INTS8: variants seen among roughly 807,000 people sequenced by gnomAD.
The protein encoded by INTS8 is protein kaonashi-1.
In INTS8, 47 loss-of-function variants were observed where a neutral mutation model predicts 138.9. The ratio of observed to expected loss-of-function variants is 0.34; its 90% CI spans 0.27 to 0.43. The LOEUF (loss-of-function observed/expected upper bound fraction) is 0.43. INTS8 is among the 20% of genes least tolerant of loss of function. The pLI, the probability that INTS8 is intolerant of heterozygous loss-of-function variation, is 1.00. For missense variants in INTS8, 996 were observed against 1,173.0 expected, an observed-to-expected ratio of 0.85 and a Z score of 2.20; for synonymous variants, 392 against 400.9, an observed-to-expected ratio of 0.98 and a Z score of 0.27.
intron 2 of INTS8, among the ~76,000 whole-genome samples, chr8:94,825,275 C>A (rs1814448314): frequency 6.6e-6 from 1 of 151,968 alleles, no homozygotes; most frequent in Non-Finnish European, 1.5e-5. Flanking sequence ...CATGGTGAAA[C>A]CTCGTCTCTA....
chr8:94,872,224 A>G (rs1301610698), intron 21 of INTS8, among the ~76,000 whole-genome samples: 1 of 151,876 alleles, frequency 6.6e-6, no homozygotes, highest in Non-Finnish European at 1.5e-5. Context: ...CTTTTTCAAA[A>G]AAACAGTGAA....
Position 94,836,516 on chromosome 8 carries a change from T to C in INTS8, c.754-8T>C. 6.2e-7 allele frequency: 1 copy of C among 1,607,792 alleles called. No individual in the cohort carries two copies. Among genetic ancestry groups the C allele is most frequent in the Non-Finnish European group, 8.5e-7 (1 of 1,175,176 alleles). On this transcript the variant is annotated splice_region_variant and splice_polypyrimidine_tract_variant and intron_variant, in intron 6 of 26. Transcript: ENST00000523731. ...TGTTAAGCAAATTGGTGTTCATTAT[T>C]ATTTCAGGTGTGCTATGATTTGGGC...
rs554329758 is a variant in INTS8 at position 94,868,154 on chromosome 8, T to A, written c.2414+817T>A. Among the ~76,000 whole-genome samples, 7 of 152,260 alleles carry A rather than the reference T, an allele frequency of 4.6e-5. No homozygotes were observed. In the South Asian group the frequency reaches 1.5e-3, roughly 32 times the overall value. On this transcript the variant is annotated intron_variant, in intron 20 of 26. Coordinates refer to ENST00000523731, the MANE Select transcript of INTS8 (RefSeq NM_017864.4). The stretch of plus-strand genomic sequence containing the variant: ...GAATCACAGTAAGATGATGGGGACT[T>A]TTTTTAGGGGAGGAAAAAGGGTTCA...
chr8:94,827,204 A>G (rs1161423233), intron 2 of INTS8, 59 bp from the exon 3 acceptor site: 9 of 1,444,080 alleles, frequency 6.2e-6, no homozygotes, highest in South Asian at 1.2e-5. Flanking sequence ...GGAATTTTGT[A>G]TGTATTTTGT....
At chr8:94,836,745 G>A in intron 7 of INTS8, 114 bp downstream of exon 7, 1 of 621,148 alleles carries the variant, frequency 1.6e-6, no homozygotes, top group Non-Finnish European at 2.8e-6. Context: ...AATGTGTGAT[G>A]TTCAAGAAAG....
intron 15 of INTS8, among the ~76,000 whole-genome samples, chr8:94,858,413 G>A (rs1030749875): frequency 5.3e-5 from 8 of 152,174 alleles, no homozygotes; most frequent in Non-Finnish European, 1.5e-5. Context: ...ATATTGTAAT[G>A]TCTTCATGAG....
chr8:94,828,258 G>A (rs1363059031), intron 4 of INTS8, among the ~76,000 whole-genome samples: 1 of 151,988 alleles, frequency 6.6e-6, no homozygotes, highest in Non-Finnish European at 1.5e-5. Flanking sequence ...CCAGGCTGGT[G>A]TCGAACTCCT....
At position 94,853,893 on chromosome 8, in the gene INTS8, G is replaced by C; in HGVS notation, c.1730G>C (p.Gly577Ala). 1 of 1,598,294 alleles carries C rather than the reference G, an allele frequency of 6.3e-7. No homozygotes were observed. The highest frequency in any genetic ancestry group is 8.6e-7 in the Non-Finnish European group (1 of 1,165,658). Residue 577 changes from glycine (G) to alanine (A), a missense_variant, in exon 14 of 27, where the codon GGT (glycine) becomes GCT (alanine). Transcript: ENST00000523731. ...RDLVYILMAK[G>A]LHCSTVKDFS... ...TTGGTTTATATTCTTATGGCCAAAGGTTTGCACTGCAGTACTGTTAAGGTG... is the reference window on the plus strand; with the variant it reads ...TTGGTTTATATTCTTATGGCCAAAGCTTTGCACTGCAGTACTGTTAAGGTG...
chr8:94,843,199 A>G (rs1312933590), intron 10 of INTS8, among the ~76,000 whole-genome samples: 2 of 152,214 alleles, frequency 1.3e-5, no homozygotes, highest in African/African-American at 4.8e-5. Context: ...TGTATTCATC[A>G]TCTTCTTTCA....
At chr8:94,864,705 T>A (rs1816112559) in intron 16 of INTS8, 2 of 152,162 alleles carry the variant, frequency 1.3e-5, no homozygotes, top group African/African-American at 4.8e-5. Context: ...AGACCCTGCC[T>A]CCAAAAAGAA....
At position 94,823,330 on chromosome 8, in the gene INTS8, C is replaced by T. The variant is rs1294816690; in HGVS notation, c.-102C>T. On this transcript the variant is annotated 5_prime_UTR_variant, in exon 1 of 27. Coordinates refer to ENST00000523731, the MANE Select transcript of INTS8 (RefSeq NM_017864.4). The stretch of plus-strand genomic sequence containing the variant: ...AGTTTCCGGGACGTTCGGAGGGTGG[C>T]CTCTCTCCCACCGGGTTCCGCATAC... 6 of 1,514,044 alleles carry T rather than the reference C, an allele frequency of 4.0e-6. No individual in the cohort carries two copies. The African/African-American group carries it at 5.5e-5, about 14-fold the overall frequency. 93.8% of individuals were successfully genotyped at this position (1,514,044 alleles called of 1,614,324 possible).
rs763770542 is a variant in INTS8 at position 94,850,107 on chromosome 8, G to A, written c.1507+16G>A. On this transcript the variant is annotated intron_variant, in intron 12 of 26. Coordinates refer to ENST00000523731, the MANE Select transcript of INTS8 (RefSeq NM_017864.4). ...GATATCCCAGGTTAGCTCTCTAGTC[G>A]GCCAGCCAAAATGTTGGCATGTTTT... 11 of 1,548,116 alleles carry A rather than the reference G, an allele frequency of 7.1e-6. No homozygotes were observed. Among genetic ancestry groups the A allele is most frequent in the Admixed American group, 5.7e-5 (3 of 52,436 alleles).
intron 2 of INTS8, among the ~76,000 whole-genome samples, chr8:94,825,442 T>A (rs7459499): frequency 0.57 from 83,503 of 145,846 alleles, 23,443 homozygotes; most frequent in East Asian, 0.65. Flanking sequence ...AAAAAAAAAA[T>A]AATAAAATAA....
intron 4 of INTS8, among the ~76,000 whole-genome samples, chr8:94,828,587 G>C (rs1199162510): frequency 6.6e-6 from 1 of 152,106 alleles, no homozygotes; most frequent in Non-Finnish European, 1.5e-5. Flanking sequence ...TTTCTAACTT[G>C]ATACAAATGA....
intron 26 of INTS8, 97 bp from the exon 27 acceptor site, chr8:94,880,019 CTG>C (rs1249192665): frequency 2.6e-6 from 2 of 765,766 alleles, no homozygotes; most frequent in Non-Finnish European, 4.4e-6. Flanking sequence ...AATCATTAAA[CTG>C]TATCGTTGTT....
At chr8:94,860,033 A>G (rs1044703940) in intron 16 of INTS8, 3 of 156,528 alleles carry the variant, frequency 1.9e-5, no homozygotes, top group Non-Finnish European at 2.8e-5. Context: ...TAAGTTTGCT[A>G]TGTCTGAATC....
chr8:94,854,024 A>G (rs556135255), intron 14 of INTS8, 109 bp downstream of exon 14: 1 of 635,170 alleles, frequency 1.6e-6, no homozygotes, highest in Non-Finnish European at 2.9e-6. Context: ...GGGCAGATCA[A>G]CTGAGGTCAA....
At position 94,880,194 on chromosome 8, in the gene INTS8, A is replaced by G; in HGVS notation, c.2948A>G (p.Lys983Arg). The G allele has an allele frequency of 1.2e-6, 2 of 1,610,496 alleles. No homozygotes were observed. The highest frequency in any genetic ancestry group is 1.7e-6 in the Non-Finnish European group (2 of 1,178,936). The change falls in exon 27 of 27, where the codon AAA (lysine) becomes AGA (arginine). Residue 983 changes from lysine to arginine, a missense_variant. Lys to Arg is a conservative substitution (Grantham distance 26). Coordinates refer to ENST00000523731, the MANE Select transcript of INTS8 (RefSeq NM_017864.4). ...EVLQLAAQRRKKKFLQAMAKL... is the reference protein window; with the variant it reads ...EVLQLAAQRRRKKFLQAMAKL... ...TTACAGCTGGCAGCGCAGAGAAGGA[A>G]AAAAAAGTTTCTCCAAGCAATGGCA...
Position 94,849,550 on chromosome 8 carries a change from CTTTTTTCT to C in INTS8, c.1331+25_1331+32del. 7.3e-7 allele frequency: 1 copy of C among 1,375,934 alleles called. No homozygotes were observed. Among genetic ancestry groups the C allele is most frequent in the Non-Finnish European group, 1.0e-6 (1 of 997,052 alleles). 85.2% of individuals were successfully genotyped at this position (1,375,934 alleles called of 1,614,324 possible). On this transcript the variant is annotated intron_variant, in intron 11 of 26. Transcript: ENST00000523731. The stretch of plus-strand genomic sequence containing the variant: ...TTTCTAAAGTAAGTACCTTTCTTTT[CTTTTTTCT>C]TTTTTTTTTTAACTTTGAACTTAGT...
Sources: gnomAD v4.1 joint callset for allele counts (sites outside exome capture counted in the v4.1 genomes callset) on GRCh38, gnomAD v4.1.1 for gene constraint, MANE v1.5 for transcripts, NCBI Gene and HGNC (gene_info 2026-07-23, HGNC 2026-07-21) for gene names.